The following OPHN1 variants were observed in gnomAD, a reference collection of about 807,000 sequenced individuals.
The protein encoded by OPHN1 is oligophrenin 1.
In OPHN1, 11 loss-of-function variants were observed where a neutral mutation model predicts 60.7. That is an observed-to-expected ratio of 0.18 (90% CI 0.11 to 0.30). The LOEUF is 0.30. Among genes scored for constraint, OPHN1 ranks in the 10% least tolerant of loss-of-function variants. The pLI is 1.00. For synonymous variants in OPHN1, 226 were observed against 222.6 expected, an observed-to-expected ratio of 1.02 and a Z score of -0.14; for missense variants, 449 against 611.0, an observed-to-expected ratio of 0.73 and a Z score of 2.80.
At chrX:68,078,480 T>C (rs1453620223) in intron 19 of OPHN1, among the ~76,000 whole-genome samples, 1 of 111,996 alleles carries the variant, frequency 8.9e-6, no homozygotes, top group African/African-American at 3.2e-5. Context: ...ATTATGTTTA[T>C]AGGCATCCAT....
chrX:68,144,456 G>A (rs987871986), intron 15 of OPHN1, among the ~76,000 whole-genome samples: 1 of 111,475 alleles, frequency 9.0e-6, no homozygotes, highest in Non-Finnish European at 1.9e-5. Context: ...AAGAAGGTTT[G>A]CATAGTCACA....
chrX:68,237,095 C>G (rs1436081653), intron 5 of OPHN1, among the ~76,000 whole-genome samples: 1 of 111,820 alleles, frequency 8.9e-6, no homozygotes, highest in African/African-American at 3.3e-5. Flanking sequence ...AAGAGATTCT[C>G]CTGCCTCACC....
chrX:68,369,072 G>A (rs941681288), intron 2 of OPHN1, among the ~76,000 whole-genome samples: 2 of 110,710 alleles, frequency 1.8e-5, no homozygotes, highest in Non-Finnish European at 3.8e-5. Context: ...GCCAGGCATG[G>A]TAGCACGTGC....
intron 5 of OPHN1, among the ~76,000 whole-genome samples, chrX:68,265,876 T>C (rs2077922342): frequency 9.0e-6 from 1 of 111,293 alleles, no homozygotes; most frequent in Admixed American, 9.6e-5. Context: ...AACTACATGA[T>C]GAATGCACAA....
chrX:68,169,679 G>A (rs1432784036), intron 15 of OPHN1, among the ~76,000 whole-genome samples: 1 of 109,855 alleles, frequency 9.1e-6, no homozygotes, highest in Non-Finnish European at 1.9e-5. Context: ...AAGCAATGGG[G>A]AAAGGATTCC....
At position 68,065,843 on chromosome X, in the gene OPHN1, G is replaced by A. The variant is rs760917883; in HGVS notation, c.1835-1666C>T. Among the ~76,000 whole-genome samples, 4 of 112,073 alleles carry A rather than the reference G, an allele frequency of 3.6e-5. No individual in the cohort carries two copies. In the South Asian group the frequency reaches 1.5e-3, roughly 42 times the overall value. ...CAGTGAGGCAAAAGTTTCCATGGGG[G>A]AAGTCTTGCTGCAAAGGTTTTTGTC... On this transcript the variant is annotated intron_variant, in intron 20 of 24. Coordinates refer to ENST00000355520, the MANE Select transcript of OPHN1 (RefSeq NM_002547.3).
At chrX:68,232,432 T>C (rs2077733140) in intron 6 of OPHN1, among the ~76,000 whole-genome samples, 1 of 111,261 alleles carries the variant, frequency 9.0e-6, no homozygotes, top group Non-Finnish European at 1.9e-5. Context: ...AAGACACATT[T>C]AATTCTTCCT....
chrX:68,147,258 C>G (rs1452529120), intron 15 of OPHN1, among the ~76,000 whole-genome samples: 1 of 111,351 alleles, frequency 9.0e-6, no homozygotes, highest in Non-Finnish European at 1.9e-5. Context: ...GGAATCAACC[C>G]CAAGGATAAC....
At chrX:68,298,602 AG>A (rs1216406478) in intron 3 of OPHN1, among the ~76,000 whole-genome samples, 1 of 111,984 alleles carries the variant, frequency 8.9e-6, no homozygotes, top group Non-Finnish European at 1.9e-5. Flanking sequence ...GTTCCTGATA[AG>A]TTGTAGACAC....
chrX:68,073,047 C>A (rs554539064), intron 20 of OPHN1, 105 bp downstream of exon 20: 32 of 947,762 alleles, frequency 3.4e-5, no homozygotes, highest in African/African-American at 2.3e-4. Flanking sequence ...CAGGAAAGGT[C>A]TACTTTTATA....
Position 68,274,826 on chromosome X carries a change from A to G in OPHN1, c.313-17T>C. The G allele has an allele frequency of 8.9e-7, 1 of 1,124,081 alleles. No individual in the cohort carries two copies. The highest frequency in any genetic ancestry group is 1.2e-6 in the Non-Finnish European group (1 of 818,478). The allele number at this position is 1,124,081 out of a possible 1,213,427, so 92.6% of individuals were successfully genotyped here. A position where few individuals can be genotyped will look rare whatever the true frequency, so the allele number is the denominator to read the frequency against. On this transcript the variant is annotated splice_polypyrimidine_tract_variant and intron_variant, in intron 4 of 24. Transcript: ENST00000355520. The stretch of plus-strand genomic sequence containing the variant: ...ATTGTGTACCTAGACAAAAAGGAAA[A>G]ACAAACAAAACAATTTCTAGGTTAA...
intron 5 of OPHN1, among the ~76,000 whole-genome samples, chrX:68,269,165 A>G (rs2077951537): frequency 1.8e-5 from 2 of 111,732 alleles, no homozygotes; most frequent in South Asian, 7.6e-4. Context: ...ATACTGCCCA[A>G]GGTAATTTAT....
chrX:68,217,061 G>A (rs182838179), intron 6 of OPHN1, among the ~76,000 whole-genome samples: 1 of 111,495 alleles, frequency 9.0e-6, no homozygotes, highest in Admixed American at 9.4e-5. Flanking sequence ...GCGGAGGTCA[G>A]TGGGTGCGCG....
At chrX:68,153,236 A>C (rs766658491) in intron 15 of OPHN1, among the ~76,000 whole-genome samples, 1 of 110,375 alleles carries the variant, frequency 9.1e-6, no homozygotes, top group East Asian at 2.9e-4. Flanking sequence ...AGAAAAAAGA[A>C]AGAAAGAAAG....
At chrX:68,260,695 A>G (rs997588506) in intron 5 of OPHN1, among the ~76,000 whole-genome samples, 1 of 111,947 alleles carries the variant, frequency 8.9e-6, no homozygotes, top group Non-Finnish European at 1.9e-5. Context: ...CAGACTTGGA[A>G]ATCACTTACG....
chrX:68,078,059 T>C (rs1569205245), intron 19 of OPHN1, among the ~76,000 whole-genome samples: 1 of 111,910 alleles, frequency 8.9e-6, no homozygotes. Flanking sequence ...TGAGTATTTG[T>C]CTAGCTTAAA....
At chrX:68,335,706 A>G (rs988999132) in intron 2 of OPHN1, among the ~76,000 whole-genome samples, 1 of 111,626 alleles carries the variant, frequency 9.0e-6, no homozygotes, top group African/African-American at 3.3e-5. Context: ...AGGCAGGTGG[A>G]TCACTTGAGG....
chrX:68,195,722 A>G (rs2077510309), intron 12 of OPHN1, among the ~76,000 whole-genome samples: 1 of 111,887 alleles, frequency 8.9e-6, no homozygotes, highest in Non-Finnish European at 1.9e-5. Flanking sequence ...CTCTCCTTAA[A>G]ATAAGTTCTG....
chrX:68,127,344 AATT>A (rs1888835702), intron 15 of OPHN1, among the ~76,000 whole-genome samples: 1 of 111,655 alleles, frequency 9.0e-6, no homozygotes. Context: ...GAAGGACAAA[AATT>A]ATTCATAGCC....
Sources: allele counts gnomAD v4.1 joint callset (sites outside exome capture counted in the v4.1 genomes callset), GRCh38; gene constraint gnomAD v4.1.1; transcripts MANE v1.5; gene names NCBI Gene and HGNC (gene_info 2026-07-23, HGNC 2026-07-21).